Variants in KDELR2 observed in about 807,000 individuals in gnomAD.
KDELR2 encodes the protein KDEL endoplasmic reticulum protein retention receptor 2.
In KDELR2, 15 loss-of-function variants were observed where a neutral mutation model predicts 23.9. That is an observed-to-expected ratio of 0.63 (90% CI 0.42 to 0.97). KDELR2 has a LOEUF of 0.97. KDELR2 is among the 50% of genes least tolerant of loss of function. The pLI, the probability that KDELR2 is intolerant of heterozygous loss-of-function variation, is 0.00. For synonymous variants in KDELR2, 119 were observed against 106.2 expected (o/e 1.12, Z -0.74); for missense variants, 272 against 254.6 (o/e 1.07, Z -0.46).
At chr7:6,474,116 C>G in intron 2 of KDELR2, 68 bp downstream of exon 2, 1 of 910,562 alleles carries the variant, frequency 1.1e-6, no homozygotes, top group Non-Finnish European at 1.8e-6. Context: ...ACACAGCTGA[C>G]ATAAATTAAG....
intron 1 of KDELR2, among the ~76,000 whole-genome samples, chr7:6,483,353 C>T (rs1785949181): frequency 8.8e-6 from 1 of 113,692 alleles, no homozygotes. Flanking sequence ...CGGTGTGATC[C>T]TGGACCCAAG....
Sources: gnomAD v4.1 joint callset for allele counts (sites outside exome capture counted in the v4.1 genomes callset) on GRCh38, gnomAD v4.1.1 for gene constraint, MANE v1.5 for transcripts, NCBI Gene and HGNC (gene_info 2026-07-23, HGNC 2026-07-21) for gene names.